CIP2A: variants seen among roughly 807,000 people sequenced by gnomAD.
CIP2A encodes protein CIP2A.
Under a neutral mutation model 110.9 loss-of-function variants are expected in CIP2A, and 103 were observed. The ratio of observed to expected loss-of-function variants is 0.93; its 90% confidence interval spans 0.79 to 1.09. The LOEUF (loss-of-function observed/expected upper bound fraction) is 1.09. Ranked by LOEUF, CIP2A falls within the 50% of genes least tolerant of loss-of-function variation. The pLI is 0.00. For missense variants in CIP2A, 1,088 were observed against 1,038.4 expected, an observed-to-expected ratio of 1.05 and a Z score of -0.66; for synonymous variants, 381 against 361.6, an observed-to-expected ratio of 1.05 and a Z score of -0.61.
At chr3:108,564,744 C>G (rs561823069) in intron 12 of CIP2A, among the ~76,000 whole-genome samples, 3 of 151,922 alleles carry the variant, frequency 2.0e-5, no homozygotes, top group South Asian at 2.1e-4. Flanking sequence ...TAAAGTCAAC[C>G]TTCTCTGCTT....
At chr3:108,571,030 T>C (rs1938388125) in intron 8 of CIP2A, among the ~76,000 whole-genome samples, 1 of 152,004 alleles carries the variant, frequency 6.6e-6, no homozygotes, top group South Asian at 2.1e-4. Context: ...AACACAGACA[T>C]TAGCCCAGGT....
Position 108,557,344 on chromosome 3 carries a change from G to T in CIP2A, c.2084C>A (p.Ala695Glu), listed in dbSNP as rs867442375. The change falls in exon 17 of 21, where the codon GCG (alanine) becomes GAG (glutamate). Residue 695 changes from alanine to glutamate, a missense_variant. Transcript: ENST00000295746. ...CGCTCTTTCTGATTCAACTTGCTGC[G>T]CCTTCAGCAACACACTAAGCTCTTC... Reference protein sequence around the residue: ...KNEELSVLLKAQQVESERAQS... With the variant: ...KNEELSVLLKEQQVESERAQS... The T allele has an allele frequency of 8.7e-6, 14 of 1,610,908 alleles. No individual in the cohort carries two copies. The highest frequency in any genetic ancestry group is 1.2e-5 in the Non-Finnish European group (14 of 1,178,082).
intron 17 of CIP2A, among the ~76,000 whole-genome samples, chr3:108,554,867 TA>T (rs764117089): frequency 2.6e-5 from 4 of 152,204 alleles, no homozygotes; most frequent in Non-Finnish European, 5.9e-5. Context: ...ACCTGCAAGG[TA>T]AACACAGAAA....
At chr3:108,573,358 C>T (rs2107346506) in intron 8 of CIP2A, among the ~76,000 whole-genome samples, 1 of 152,142 alleles carries the variant, frequency 6.6e-6, no homozygotes, top group South Asian at 2.1e-4. Flanking sequence ...ACTATATCTT[C>T]CCCACCAAGA....
intron 7 of CIP2A, among the ~76,000 whole-genome samples, chr3:108,576,878 T>TGGTG (rs1421954823): frequency 6.6e-6 from 1 of 152,156 alleles, no homozygotes; most frequent in Non-Finnish European, 1.5e-5. Context: ...ATTTGGGAGA[T>TGGTG]GGTGCCCTGA....
In CIP2A at chr3:108,569,602, T is replaced by C. The variant is rs1478598666; in HGVS notation, c.900A>G (p.Leu300=). Residue 300 remains leucine, a synonymous_variant, in exon 9 of 21, where the codon TTA becomes TTG. Coordinates refer to ENST00000295746, the MANE Select transcript of CIP2A (RefSeq NM_020890.3). ...GKDPDSSSKV[L]ELLLAFCSVT... Reference sequence around the variant, plus strand: ...CTGAACAGAAGGCAAGAAGTAATTCTAAAACCTGTGCAATATAAAGTGTTC... The same window carrying C: ...CTGAACAGAAGGCAAGAAGTAATTCCAAAACCTGTGCAATATAAAGTGTTC... The C allele has an allele frequency of 8.7e-6, 14 of 1,610,608 alleles. No individual in the cohort carries two copies. Among genetic ancestry groups the C allele is most frequent in the Non-Finnish European group, 1.1e-5 (13 of 1,177,696 alleles).
Position 108,565,438 on chromosome 3 carries a change from C to T in CIP2A, c.1432G>A (p.Val478Ile). 2.5e-6 allele frequency: 4 copies of T among 1,586,916 alleles called. No individual in the cohort carries two copies. The highest frequency in any genetic ancestry group is 3.4e-6 in the Non-Finnish European group (4 of 1,163,398). The change falls in exon 12 of 21, where the codon GTA becomes ATA. Residue 478 changes from valine (V) to isoleucine (I), a missense_variant. By Grantham distance (29) the Val-to-Ile change is conservative. Transcript: ENST00000295746. ...DSELCKLAAD[V>I]ILKTLDLINK... ...ATCAAATCAAGAGTTTTCAAAATTA[C>T]ATCAGCAGCAAGTTTGCTTTAAAGA...
intron 1 of CIP2A, among the ~76,000 whole-genome samples, chr3:108,587,478 C>A (rs1402794469): frequency 6.6e-6 from 1 of 152,052 alleles, no homozygotes; most frequent in Non-Finnish European, 1.5e-5. Context: ...ATGAAGAAAC[C>A]CTATGGGGCT....
At chr3:108,570,977 G>A (rs1938384977) in intron 8 of CIP2A, among the ~76,000 whole-genome samples, 1 of 151,878 alleles carries the variant, frequency 6.6e-6, no homozygotes, top group Non-Finnish European at 1.5e-5. Context: ...TTAAAATGTA[G>A]GCTTTTTCTT....
intron 1 of CIP2A, among the ~76,000 whole-genome samples, chr3:108,588,495 T>C (rs1481825599): frequency 1.6e-5 from 1 of 64,168 alleles, no homozygotes; most frequent in Non-Finnish European, 4.2e-5. Flanking sequence ...ATAGGGTTAA[T>C]ATAATACAAT....
chr3:108,583,135 C>A, intron 2 of CIP2A, 52 bp from the exon 3 acceptor site: 1 of 963,694 alleles, frequency 1.0e-6, no homozygotes, highest in Admixed American at 2.5e-5. Context: ...CAAGGTTTTG[C>A]AGATAATTCA....
intron 8 of CIP2A, among the ~76,000 whole-genome samples, chr3:108,570,217 C>G (rs1938339249): frequency 6.7e-6 from 1 of 150,046 alleles, no homozygotes; most frequent in Admixed American, 6.7e-5. Context: ...CAACTTATCA[C>G]TAAAAAAAAA....
At chr3:108,586,688 A>C (rs1298767778) in intron 1 of CIP2A, among the ~76,000 whole-genome samples, 1 of 152,216 alleles carries the variant, frequency 6.6e-6, no homozygotes, top group Non-Finnish European at 1.5e-5. Flanking sequence ...GCAGATGAGT[A>C]AACTGAGGTA....
intron 16 of CIP2A, among the ~76,000 whole-genome samples, chr3:108,558,335 T>C (rs549500052): frequency 4.6e-5 from 7 of 152,302 alleles, no homozygotes; most frequent in African/African-American, 1.7e-4. Flanking sequence ...CTTATTTTGA[T>C]GCATCTTTCA....
chr3:108,557,370 A>AT lies in CIP2A; in HGVS notation c.2057dup (p.Asn686LysfsTer2). ...CCTTCAGCAACACACTAAGCTCTTC[A>AT]TTTTTTCTCTCAACTTCTCTCAACA... On this transcript the variant is annotated frameshift_variant, in exon 17 of 21. Coordinates refer to ENST00000295746, the MANE Select transcript of CIP2A (RefSeq NM_020890.3). LOFTEE classifies it high-confidence loss of function. The AT allele has an allele frequency of 6.2e-7, 1 of 1,607,298 alleles. No individual in the cohort carries two copies. The highest frequency in any genetic ancestry group is 8.5e-7 in the Non-Finnish European group (1 of 1,175,860).
Position 108,575,617 on chromosome 3 carries a change from TGTGTATATATAC to T in CIP2A, c.894+642_894+653del, listed in dbSNP as rs1938580542. The stretch of plus-strand genomic sequence containing the variant: ...ATACGTGTATATATACTCATATACA[TGTGTATATATAC>T]GTGTATATATACTCATATACATGTG... On this transcript the variant is annotated intron_variant, in intron 8 of 20. Coordinates refer to ENST00000295746, the MANE Select transcript of CIP2A (RefSeq NM_020890.3). 2.1e-5 allele frequency among the ~76,000 whole-genome samples: 3 copies of T among 144,180 alleles called. 1 individual carries two copies. Among genetic ancestry groups the T allele is most frequent in the Non-Finnish European group, 3.1e-5 (2 of 65,564 alleles). 94.6% of individuals were successfully genotyped at this position (144,180 alleles called of 152,430 possible).
chr3:108,580,149 T>C (rs143407925), intron 5 of CIP2A, among the ~76,000 whole-genome samples: 62 of 152,286 alleles, frequency 4.1e-4, no homozygotes, highest in Middle Eastern at 3.4e-3. Context: ...ATAATTGTGG[T>C]GGAAGCAAAA....
At chr3:108,581,189 A>T (rs1430555211) in intron 5 of CIP2A, among the ~76,000 whole-genome samples, 1 of 152,236 alleles carries the variant, frequency 6.6e-6, no homozygotes, top group African/African-American at 2.4e-5. Context: ...TTTAGAAATA[A>T]GTGTTTGCAT....
chr3:108,556,494 G>A (rs1937805345), intron 17 of CIP2A, among the ~76,000 whole-genome samples: 1 of 152,132 alleles, frequency 6.6e-6, no homozygotes, highest in African/African-American at 2.4e-5. Flanking sequence ...ACACTAATTT[G>A]AAAATCCAAA....
Sources: gnomAD v4.1 joint callset for allele counts (sites outside exome capture counted in the v4.1 genomes callset) on GRCh38, gnomAD v4.1.1 for gene constraint, MANE v1.5 for transcripts, NCBI Gene and HGNC (gene_info 2026-07-23, HGNC 2026-07-21) for gene names.